Variants in GSG1L observed in about 807,000 individuals in gnomAD.
GSG1L encodes GSG1 like.
Under a neutral mutation model 42.1 loss-of-function variants are expected in GSG1L, and 24 were observed. The observed-to-expected ratio is 0.57, with a 90% confidence interval of 0.41 to 0.80. The LOEUF is 0.80. Among genes scored for constraint, GSG1L ranks in the 30% least tolerant of loss-of-function variants. The pLI is 0.00. For synonymous variants in GSG1L, 215 were observed against 203.5 expected (o/e 1.06, Z -0.48); for missense variants, 445 against 472.2 (o/e 0.94, Z 0.53).
At chr16:27,848,924 G>A (rs138400282) in intron 3 of GSG1L, among the ~76,000 whole-genome samples, 386 of 152,162 alleles carry the variant, frequency 2.5e-3, no homozygotes, top group African/African-American at 6.1e-3. Flanking sequence ...GGCCTGGTGC[G>A]GTGGCTCACG....
chr16:27,950,233 A>G (rs147020676), intron 2 of GSG1L, among the ~76,000 whole-genome samples: 1 of 152,338 alleles, frequency 6.6e-6, no homozygotes, highest in African/African-American at 2.4e-5. Context: ...TACCCTTAAC[A>G]GAGTCTATTT....
In GSG1L at chr16:27,909,727, G is replaced by A. The variant is rs537479208; in HGVS notation, c.398-25089C>T. ...TGTGATCATATCTCACAGCAGTCCC[G>A]ACCTCCAGGGCTCATGTGATCCTCC... is the stretch of plus-strand genomic sequence containing the variant. On this transcript the variant is annotated intron_variant, in intron 2 of 6. Transcript: ENST00000447459. 1.3e-4 allele frequency among the ~76,000 whole-genome samples: 18 copies of A among 136,244 alleles called. No homozygotes were observed. In the East Asian group the frequency reaches 1.6e-3, roughly 12 times the overall value. 89.4% of individuals were successfully genotyped at this position (136,244 alleles called of 152,430 possible).
chr16:28,024,106 A>G (rs1034369820), intron 1 of GSG1L, among the ~76,000 whole-genome samples: 1 of 152,158 alleles, frequency 6.6e-6, no homozygotes, highest in African/African-American at 2.4e-5. Context: ...CTCCAAACCC[A>G]AGATCTTGCC....
chr16:28,026,352 T>G (rs2085900928), intron 1 of GSG1L, among the ~76,000 whole-genome samples: 1 of 152,202 alleles, frequency 6.6e-6, no homozygotes, highest in Non-Finnish European at 1.5e-5. Context: ...AGCCTGAGTT[T>G]GCTCTTCACT....
At chr16:27,949,064 C>T (rs757169358) in intron 2 of GSG1L, among the ~76,000 whole-genome samples, 4 of 151,698 alleles carry the variant, frequency 2.6e-5, no homozygotes, top group Non-Finnish European at 4.4e-5. Flanking sequence ...ACTACAGGCA[C>T]GTGCCACCAT....
chr16:27,957,822 G>A (rs892553867), intron 2 of GSG1L, among the ~76,000 whole-genome samples: 2 of 152,186 alleles, frequency 1.3e-5, no homozygotes, highest in Non-Finnish European at 2.9e-5. Context: ...TTGGCTTCTG[G>A]TGAGGCTTCA....
chr16:27,824,081 T>A (rs1185923740), intron 5 of GSG1L, among the ~76,000 whole-genome samples: 1 of 152,188 alleles, frequency 6.6e-6, no homozygotes, highest in Non-Finnish European at 1.5e-5. Context: ...CCTAAGCTGG[T>A]CATGACCAAG....
chr16:27,980,288 C>T (rs1003113508), intron 1 of GSG1L, among the ~76,000 whole-genome samples: 3 of 152,128 alleles, frequency 2.0e-5, no homozygotes, highest in African/African-American at 2.4e-5. Context: ...CACTAAGGAG[C>T]CCAGCATCCT....
intron 1 of GSG1L, among the ~76,000 whole-genome samples, chr16:28,001,098 C>CA (rs2141144019): frequency 6.6e-6 from 1 of 152,204 alleles, no homozygotes. Context: ...CACCAGCAGA[C>CA]AAAAAAGGAA....
At chr16:28,020,779 G>T (rs1035941592) in intron 1 of GSG1L, among the ~76,000 whole-genome samples, 3 of 152,316 alleles carry the variant, frequency 2.0e-5, no homozygotes, top group African/African-American at 7.2e-5. Flanking sequence ...ATGTTGTGAG[G>T]ACGCTCAAGC....
intron 1 of GSG1L, among the ~76,000 whole-genome samples, chr16:27,989,391 T>C (rs1163167028): frequency 2.0e-5 from 3 of 152,180 alleles, no homozygotes; most frequent in African/African-American, 7.2e-5. Flanking sequence ...AACTTAGACA[T>C]AACAAATAGG....
chr16:27,812,994 G>T (rs1353970517), intron 5 of GSG1L, among the ~76,000 whole-genome samples: 2 of 152,078 alleles, frequency 1.3e-5, no homozygotes, highest in Non-Finnish European at 2.9e-5. Context: ...TGCCCAGGCT[G>T]GTCTCCAACT....
chr16:27,934,739 T>A (rs546428731), intron 2 of GSG1L, among the ~76,000 whole-genome samples: 1 of 152,132 alleles, frequency 6.6e-6, no homozygotes, highest in Non-Finnish European at 1.5e-5. Context: ...GGGTGTCACA[T>A]GCTTAGCCTC....
chr16:27,852,490 C>A (rs1220606100), intron 3 of GSG1L, among the ~76,000 whole-genome samples: 1 of 151,814 alleles, frequency 6.6e-6, no homozygotes, highest in Admixed American at 6.6e-5. Context: ...TCAGAAGAGG[C>A]TCCCACAGAA....
intron 2 of GSG1L, among the ~76,000 whole-genome samples, chr16:27,889,279 C>T (rs369814963): frequency 8.5e-5 from 13 of 152,130 alleles, no homozygotes; most frequent in African/African-American, 2.4e-4. Flanking sequence ...TGTGCCCAGC[C>T]GAGTTGTGCT....
chr16:28,025,788 A>G (rs1321291955), intron 1 of GSG1L, among the ~76,000 whole-genome samples: 1 of 152,222 alleles, frequency 6.6e-6, no homozygotes, highest in Non-Finnish European at 1.5e-5. Context: ...GTGTTGGGAC[A>G]GAAGAGGGCT....
intron 2 of GSG1L, among the ~76,000 whole-genome samples, chr16:27,918,727 GA>G (rs1567518327): frequency 6.6e-6 from 1 of 151,992 alleles, no homozygotes; most frequent in Non-Finnish European, 1.5e-5. Flanking sequence ...AGGAGGCTGC[GA>G]AGATCCAACA....
At chr16:27,969,939 T>C (rs912511544) in intron 1 of GSG1L, among the ~76,000 whole-genome samples, 27 of 152,348 alleles carry the variant, frequency 1.8e-4, no homozygotes, top group Non-Finnish European at 2.9e-4. Flanking sequence ...GGTTTTAATT[T>C]GCATTTTCTT....
intron 4 of GSG1L, among the ~76,000 whole-genome samples, chr16:27,836,800 T>C (rs946903602): frequency 6.6e-6 from 1 of 152,244 alleles, no homozygotes. Flanking sequence ...ATTTTTAACA[T>C]TTCTGTCATT....
Sources: allele counts gnomAD v4.1 joint callset (sites outside exome capture counted in the v4.1 genomes callset), GRCh38; gene constraint gnomAD v4.1.1; transcripts MANE v1.5; gene names NCBI Gene and HGNC (gene_info 2026-07-23, HGNC 2026-07-21).